The following JRK variants were observed in gnomAD, a reference collection of about 807,000 sequenced individuals.
JRK encodes the protein jerky protein homolog.
For synonymous variants in JRK, 303 were observed against 218.1 expected (o/e 1.39, Z -3.43); for missense variants, 720 against 509.2 (o/e 1.41, Z -3.98).
Position 142,663,026 on chromosome 8 carries a change from G to T in JRK, c.*1326C>A. 1.8e-6 allele frequency: 1 copy of T among 566,360 alleles called. No individual in the cohort carries two copies. Among genetic ancestry groups the T allele is most frequent in the South Asian group, 7.7e-5 (1 of 13,062 alleles). The allele number at this position is 566,360 out of a possible 1,614,324, so 35.1% of individuals were successfully genotyped here. On this transcript the variant is annotated 3_prime_UTR_variant, in exon 2 of 2. Transcript: ENST00000612905. ...AAAATAAAAAGGCGCGGTGGTGCGT[G>T]CCTCTAGTCCCAGCTACTCAGGAGG...
At position 142,665,498 on chromosome 8, in the gene JRK, A is replaced by G. The variant is rs2129774119; in HGVS notation, c.561T>C (p.Asp187=). The change falls in exon 2 of 2, where the codon GAT becomes GAC. Residue 187 remains aspartate (D), a synonymous_variant. Coordinates refer to ENST00000612905, the MANE Select transcript of JRK (RefSeq NM_003724.4). ...GGCACCGCCAGAAAAGGCCGGTCTC[A>G]TCAGCGTTGTAAACCTGCTCGGCGG... ...GLSAEQVYNA[D]ETGLFWRCLP... is the part of the protein sequence containing the mutation. 2.8e-6 allele frequency: 2 copies of G among 718,220 alleles called. No homozygotes were observed. The highest frequency in any genetic ancestry group is 3.0e-5 in the South Asian group (2 of 67,606). 44.5% of individuals were successfully genotyped at this position (718,220 alleles called of 1,614,324 possible). A position where few individuals can be genotyped will look rare whatever the true frequency, so the allele number is the denominator to read the frequency against.
At chr8:142,647,800 C>G in the JRK span, among the ~76,000 whole-genome samples, 90,159 of 152,118 alleles carry the variant, frequency 0.59, 28,156 homozygotes, top group Admixed American at 0.69. Flanking sequence ...CTTTGGACTG[C>G]GTAAAAGGCA....
At chr8:142,645,570 C>T in the JRK span, among the ~76,000 whole-genome samples, 2 of 152,050 alleles carry the variant, frequency 1.3e-5, no homozygotes, top group African/African-American at 2.4e-5. Flanking sequence ...GTCCCAGCTA[C>T]TCGGGAGGCT....
chr8:142,659,273 T>TG lies in JRK; in HGVS notation c.*5078dup. On this transcript the variant is annotated 3_prime_UTR_variant, in exon 2 of 2. Transcript: ENST00000612905. ...CCCAGGGACATGCCTTGGCTTGGGG[T>TG]GGCTTAGGACCAGGGCAAGACGCCT... 1 of 1,073,132 alleles carries TG rather than the reference T, an allele frequency of 9.3e-7. No homozygotes were observed. The highest frequency in any genetic ancestry group is 3.2e-5 in the South Asian group (1 of 31,594). The allele number at this position is 1,073,132 out of a possible 1,614,324, so 66.5% of individuals were successfully genotyped here. A position where few individuals can be genotyped will look rare whatever the true frequency, so the allele number is the denominator to read the frequency against.
chr8:142,651,622 G>T, the JRK span, among the ~76,000 whole-genome samples: 1 of 145,650 alleles, frequency 6.9e-6, no homozygotes, highest in Non-Finnish European at 1.5e-5. Flanking sequence ...CTTCAGATTT[G>T]ATCAAGTCAG....
chr8:142,653,036 T>C (rs1554633334), downstream of JRK, among the ~76,000 whole-genome samples: 2 of 152,180 alleles, frequency 1.3e-5, no homozygotes, highest in African/African-American at 4.8e-5. Flanking sequence ...AGGCAGACCA[T>C]GGTGAAGAGA....
rs1323053460 is a variant in JRK at position 142,658,388 on chromosome 8, T to C, written c.*5964A>G. On this transcript the variant is annotated 3_prime_UTR_variant, in exon 2 of 2. Transcript: ENST00000612905. ...TGCAGATGGCAATTTTCTATTTTAT[T>C]TCCTTTTTTTTTTTTTTTAGCAATA... 2 of 110,348 alleles carry C rather than the reference T, an allele frequency of 1.8e-5. No homozygotes were observed. Among genetic ancestry groups the C allele is most frequent in the African/African-American group, 6.2e-5 (2 of 32,088 alleles). 6.8% of individuals were successfully genotyped at this position (110,348 alleles called of 1,614,324 possible).
At position 142,660,703 on chromosome 8, in the gene JRK, C is replaced by CCT; in HGVS notation, c.*3648_*3649insAG. On this transcript the variant is annotated 3_prime_UTR_variant, in exon 2 of 2. Transcript: ENST00000612905. ...AGGCAGAAGCCACCACACCCGGATCCCCAATAAGCACATTTATGTGGGGCG... is the reference window on the plus strand; with the variant it reads ...AGGCAGAAGCCACCACACCCGGATCCCTCCAATAAGCACATTTATGTGGGGCG... 1.0e-6 allele frequency: 1 copy of CCT among 985,510 alleles called. No homozygotes were observed. The highest frequency in any genetic ancestry group is 1.2e-6 in the Non-Finnish European group (1 of 829,968). The allele number at this position is 985,510 out of a possible 1,614,324, so 61.0% of individuals were successfully genotyped here. A position where few individuals can be genotyped will look rare whatever the true frequency, so the allele number is the denominator to read the frequency against.
rs1846902582 is a variant in JRK at position 142,661,135 on chromosome 8, G to C, written c.*3217C>G. 1 of 985,388 alleles carries C rather than the reference G, an allele frequency of 1.0e-6. No individual in the cohort carries two copies. The highest frequency in any genetic ancestry group is 1.2e-6 in the Non-Finnish European group (1 of 829,976). The allele number at this position is 985,388 out of a possible 1,614,324, so 61.0% of individuals were successfully genotyped here. ...ATGAAGCATATGGAAGTCACGCACA[G>C]ACAGGCCCAGGGCAAGGTCTGCTCT... On this transcript the variant is annotated 3_prime_UTR_variant, in exon 2 of 2. Coordinates refer to ENST00000612905, the MANE Select transcript of JRK (RefSeq NM_003724.4).
In JRK at chr8:142,665,852, G is replaced by A. The variant is rs2978973; in HGVS notation, c.207C>T (p.Ser69=). The A allele has an allele frequency of 3.8e-6, 3 of 779,530 alleles. No homozygotes were observed. The highest frequency in any genetic ancestry group is 1.3e-5 in the South Asian group (1 of 74,320). The allele number at this position is 779,530 out of a possible 1,614,324, so 48.3% of individuals were successfully genotyped here. ...GCTGCTCCAGCGCCTTGTTGGAGTCGGAGCTGGCGAAGAACCGGAGCAGCT... is the reference window on the plus strand; with the variant it reads ...GCTGCTCCAGCGCCTTGTTGGAGTCAGAGCTGGCGAAGAACCGGAGCAGCT... ...KAQLLRFFAS[S]DSNKALEQRR... The change falls in exon 2 of 2, where the codon TCC becomes TCT. Residue 69 remains serine (S), a synonymous_variant. Coordinates refer to ENST00000612905, the MANE Select transcript of JRK (RefSeq NM_003724.4).
the JRK span, among the ~76,000 whole-genome samples, chr8:142,648,267 A>T: frequency 6.6e-6 from 1 of 152,254 alleles, no homozygotes; most frequent in African/African-American, 2.4e-5. Context: ...AAATTTGCAT[A>T]AGTAACAAGG....
chr8:142,659,868 C>T lies in JRK; in HGVS notation c.*4484G>A, dbSNP rs1419619946. The stretch of plus-strand genomic sequence containing the variant: ...CCTGCCCCTCCCTGGGCCCCAGTCT[C>T]ATCCCTAAACAGGAGTGACCCCACC... On this transcript the variant is annotated 3_prime_UTR_variant, in exon 2 of 2. Coordinates refer to ENST00000612905, the MANE Select transcript of JRK (RefSeq NM_003724.4). 1.0e-6 allele frequency: 1 copy of T among 985,648 alleles called. No individual in the cohort carries two copies. The highest frequency in any genetic ancestry group is 1.2e-6 in the Non-Finnish European group (1 of 830,060). The allele number at this position is 985,648 out of a possible 1,614,324, so 61.1% of individuals were successfully genotyped here. A position where few individuals can be genotyped will look rare whatever the true frequency, so the allele number is the denominator to read the frequency against.
At chr8:142,653,257 C>T (rs1846696794), downstream of JRK, among the ~76,000 whole-genome samples, 1 of 152,234 alleles carries the variant, frequency 6.6e-6, no homozygotes, top group Admixed American at 6.5e-5. Flanking sequence ...ATGAGAGGGG[C>T]CTGGATTCTG....
Position 142,665,060 on chromosome 8 carries a change from C to G in JRK, c.999G>C (p.Gln333His), listed in dbSNP as rs1554635497. The G allele has an allele frequency of 1.4e-6, 1 of 717,348 alleles. No individual in the cohort carries two copies. The highest frequency in any genetic ancestry group is 2.6e-6 in the Non-Finnish European group (1 of 384,734). The allele number at this position is 717,348 out of a possible 1,614,324, so 44.4% of individuals were successfully genotyped here. ...TCCTCATGAAATCTCTCCGAATGCCCTGCTCCATGGGCTGCACCAATGAGG... is the reference window on the plus strand; with the variant it reads ...TCCTCATGAAATCTCTCCGAATGCCGTGCTCCATGGGCTGCACCAATGAGG... ...SVASLVQPME[Q>H]GIRRDFMRNF... The change falls in exon 2 of 2, where the codon CAG becomes CAC. Residue 333 changes from glutamine to histidine, a missense_variant. Transcript: ENST00000612905.
chr8:142,662,611 A>T lies in JRK; in HGVS notation c.*1741T>A. The T allele has an allele frequency of 1.0e-6, 1 of 985,452 alleles. No individual in the cohort carries two copies. The highest frequency in any genetic ancestry group is 1.2e-6 in the Non-Finnish European group (1 of 829,942). The allele number at this position is 985,452 out of a possible 1,614,324, so 61.0% of individuals were successfully genotyped here. A position where few individuals can be genotyped will look rare whatever the true frequency, so the allele number is the denominator to read the frequency against. Reference sequence around the variant, plus strand: ...TGGCTTTTATAATCTTCACACATGCATTCAAAGCAAGAAACACACACTTCC... The same window carrying T: ...TGGCTTTTATAATCTTCACACATGCTTTCAAAGCAAGAAACACACACTTCC... On this transcript the variant is annotated 3_prime_UTR_variant, in exon 2 of 2. Transcript: ENST00000612905.
Position 142,665,059 on chromosome 8 carries a change from C to T in JRK, c.1000G>A (p.Gly334Ser), listed in dbSNP as rs932365581. ...TTCCTCATGAAATCTCTCCGAATGC[C>T]CTGCTCCATGGGCTGCACCAATGAG... The part of the protein sequence containing the change: ...VASLVQPMEQ[G>S]IRRDFMRNFI... Residue 334 changes from glycine to serine, a missense_variant, in exon 2 of 2, where the codon GGC becomes AGC. By Grantham distance (56) the Gly-to-Ser change is moderately conservative. Transcript: ENST00000612905. The T allele has an allele frequency of 2.8e-6, 2 of 717,168 alleles. No homozygotes were observed. Among genetic ancestry groups the T allele is most frequent in the African/African-American group, 3.5e-5 (2 of 57,230 alleles). 44.4% of individuals were successfully genotyped at this position (717,168 alleles called of 1,614,324 possible).
rs1484210345 is a variant in JRK, at chr8:142,661,558, G to A, written c.*2794C>T. ...ACCCCACGAGCCACTGGAAAACTGAGGCTGCAACTTGCAGGGGCACTGTGA... is the reference window on the plus strand; with the variant it reads ...ACCCCACGAGCCACTGGAAAACTGAAGCTGCAACTTGCAGGGGCACTGTGA... On this transcript the variant is annotated 3_prime_UTR_variant, in exon 2 of 2. Coordinates refer to ENST00000612905, the MANE Select transcript of JRK (RefSeq NM_003724.4). The A allele has an allele frequency of 1.0e-6, 1 of 985,418 alleles. No individual in the cohort carries two copies. Among genetic ancestry groups the A allele is most frequent in the Non-Finnish European group, 1.2e-6 (1 of 830,010 alleles). 61.0% of individuals were successfully genotyped at this position (985,418 alleles called of 1,614,324 possible).
At position 142,660,348 on chromosome 8, in the gene JRK, A is replaced by AC. The variant is rs1402342811; in HGVS notation, c.*4003dup. 25 of 985,026 alleles carry AC rather than the reference A, an allele frequency of 2.5e-5. No homozygotes were observed. The African/African-American group carries it at 4.2e-4, about 17-fold the overall frequency. 61.0% of individuals were successfully genotyped at this position (985,026 alleles called of 1,614,324 possible). On this transcript the variant is annotated 3_prime_UTR_variant, in exon 2 of 2. Transcript: ENST00000612905. ...CATGACTGTCCACATCCTGACCCCT[A>AC]CCTACCTCATGACCTCCCCGACCCT...
chr8:142,648,386 G>A, the JRK span, among the ~76,000 whole-genome samples: 1 of 152,206 alleles, frequency 6.6e-6, no homozygotes, highest in Non-Finnish European at 1.5e-5. Flanking sequence ...GGAAAAAGTG[G>A]TTTCATGGGC....
Sources: gnomAD v4.1 joint callset for allele counts (sites outside exome capture counted in the v4.1 genomes callset) on GRCh38, gnomAD v4.1.1 for gene constraint, MANE v1.5 for transcripts, NCBI Gene and HGNC (gene_info 2026-07-23, HGNC 2026-07-21) for gene names.